The following RXFP1 variants were observed in gnomAD, a reference collection of about 807,000 sequenced individuals.
The protein encoded by RXFP1 is relaxin family peptide receptor 1.
In RXFP1, 73 loss-of-function variants were observed where a neutral mutation model predicts 89.8. The ratio of observed to expected loss-of-function variants is 0.81; its 90% CI spans 0.67 to 0.99. The LOEUF (loss-of-function observed/expected upper bound fraction) is 0.99, where lower values mean the gene tolerates loss of function less well. RXFP1 is among the 50% of genes least tolerant of loss of function. The probability of loss-of-function intolerance (pLI) is 0.00; values close to 1 mark genes in which losing one functional copy is unlikely to be tolerated. For missense variants in RXFP1, 793 were observed against 895.5 expected, an observed-to-expected ratio of 0.89 and a Z score of 1.46; for synonymous variants, 277 against 305.5, an observed-to-expected ratio of 0.91 and a Z score of 0.97.
At position 158,535,439 on chromosome 4, in the gene RXFP1, A is replaced by G. The variant is rs528862181; in HGVS notation, c.49+13414A>G. Among the ~76,000 whole-genome samples the G allele has an allele frequency of 1.1e-4, 17 of 152,342 alleles. No homozygotes were observed. In the South Asian group the frequency reaches 3.5e-3, roughly 32 times the overall value. On this transcript the variant is annotated intron_variant, in intron 1 of 17. Transcript: ENST00000307765. ...AGCAATCCTTAGAGAGGGCGTGGCC[A>G]TTGCACTTGAGTCACTGGAAAGATA...
chr4:158,601,949 A>T (rs1761760003), intron 4 of RXFP1, among the ~76,000 whole-genome samples: 1 of 152,214 alleles, frequency 6.6e-6, no homozygotes, highest in Admixed American at 6.5e-5. Flanking sequence ...CACTAGAACT[A>T]TATGATCTAA....
At chr4:158,600,796 C>A (rs1212458368) in intron 4 of RXFP1, among the ~76,000 whole-genome samples, 1 of 150,782 alleles carries the variant, frequency 6.6e-6, no homozygotes. Context: ...CACTGCACTC[C>A]AGCCTGGATG....
chr4:158,576,138 C>T (rs1304005370), intron 2 of RXFP1, among the ~76,000 whole-genome samples: 4 of 152,202 alleles, frequency 2.6e-5, no homozygotes, highest in African/African-American at 7.2e-5. Context: ...TAAAAAATAA[C>T]TATTTCAATT....
chr4:158,552,769 G>A (rs968728536), intron 1 of RXFP1, among the ~76,000 whole-genome samples: 4 of 152,174 alleles, frequency 2.6e-5, no homozygotes, highest in African/African-American at 9.6e-5. Context: ...GGACAAAAAT[G>A]CCCTCAAAGG....
chr4:158,639,247 T>G lies in RXFP1; in HGVS notation c.1044-13T>G, dbSNP rs1006643180. On this transcript the variant is annotated splice_polypyrimidine_tract_variant and intron_variant, in intron 13 of 17. Coordinates refer to ENST00000307765, the MANE Select transcript of RXFP1 (RefSeq NM_021634.4). Reference sequence around the variant, plus strand: ...CATGTTCCTTTGATTGATTATTAATTTGATATTTTTAGCAGCCTAGAAGGG... The same window carrying G: ...CATGTTCCTTTGATTGATTATTAATGTGATATTTTTAGCAGCCTAGAAGGG... 2.1e-6 allele frequency: 3 copies of G among 1,431,680 alleles called. No homozygotes were observed. Among genetic ancestry groups the G allele is most frequent in the Admixed American group, 3.4e-5 (2 of 58,610 alleles). 88.7% of individuals were successfully genotyped at this position (1,431,680 alleles called of 1,614,324 possible). A position where few individuals can be genotyped will look rare whatever the true frequency, so the allele number is the denominator to read the frequency against.
At chr4:158,646,241 G>A (rs546683553) in intron 15 of RXFP1, 33 of 395,258 alleles carry the variant, frequency 8.3e-5, no homozygotes, top group African/African-American at 5.1e-4. Flanking sequence ...AGTAATTTAA[G>A]CCCCTTAAAA....
intron 1 of RXFP1, among the ~76,000 whole-genome samples, chr4:158,546,041 A>C (rs1748280186): frequency 6.6e-6 from 1 of 152,148 alleles, no homozygotes. Context: ...TACCTTGGGC[A>C]GTATGGCCAT....
chr4:158,522,042 T>C lies in RXFP1; in HGVS notation c.49+17T>C. On this transcript the variant is annotated intron_variant, in intron 1 of 17. Coordinates refer to ENST00000307765, the MANE Select transcript of RXFP1 (RefSeq NM_021634.4). ...GAAAATATTGTAAGTATGCTCAGTA[T>C]CTAATTTTGTATACCTTAGTATTTT... 2 of 1,468,390 alleles carry C rather than the reference T, an allele frequency of 1.4e-6. No individual in the cohort carries two copies. The highest frequency in any genetic ancestry group is 1.9e-6 in the Non-Finnish European group (2 of 1,050,190). 91.0% of individuals were successfully genotyped at this position (1,468,390 alleles called of 1,614,324 possible).
chr4:158,525,870 C>G (rs1742391060), intron 1 of RXFP1, among the ~76,000 whole-genome samples: 1 of 152,238 alleles, frequency 6.6e-6, no homozygotes, highest in African/African-American at 2.4e-5. Flanking sequence ...CCAAGTCTAT[C>G]TCCTTAAAAA....
At chr4:158,584,960 G>T (rs993010284) in intron 2 of RXFP1, among the ~76,000 whole-genome samples, 1 of 152,148 alleles carries the variant, frequency 6.6e-6, no homozygotes, top group East Asian at 1.9e-4. Flanking sequence ...CACTTGGAAG[G>T]CTCGTTAAAA....
chr4:158,575,368 G>C, intron 2 of RXFP1, among the ~76,000 whole-genome samples: 1 of 152,258 alleles, frequency 6.6e-6, no homozygotes, highest in East Asian at 1.9e-4. Flanking sequence ...GGAATAATAA[G>C]AGTATCCATG....
intron 2 of RXFP1, among the ~76,000 whole-genome samples, chr4:158,585,590 T>A (rs187208103): frequency 5.7e-4 from 87 of 152,296 alleles, no homozygotes; most frequent in African/African-American, 2.0e-3. Context: ...GCATTTTATG[T>A]ACTTTAAACA....
intron 1 of RXFP1, among the ~76,000 whole-genome samples, chr4:158,546,296 A>C (rs1013933368): frequency 6.6e-6 from 1 of 152,140 alleles, no homozygotes; most frequent in African/African-American, 2.4e-5. Context: ...TCATACATTG[A>C]TTTTGTATCC....
chr4:158,652,183 T>C lies in RXFP1; in HGVS notation c.*128T>C. ...CTAAGATAAATATTTTACAAGGACA[T>C]GAGGAAAAATAAAAATGACTAATGC... On this transcript the variant is annotated 3_prime_UTR_variant, in exon 18 of 18. Transcript: ENST00000307765. 1 of 744,866 alleles carries C rather than the reference T, an allele frequency of 1.3e-6. No individual in the cohort carries two copies. Among genetic ancestry groups the C allele is most frequent in the Non-Finnish European group, 2.0e-6 (1 of 493,838 alleles). The allele number at this position is 744,866 out of a possible 1,614,324, so 46.1% of individuals were successfully genotyped here.
At chr4:158,573,075 C>A (rs1755449708) in intron 2 of RXFP1, 1 of 369,294 alleles carries the variant, frequency 2.7e-6, no homozygotes, top group African/African-American at 2.1e-5. Context: ...GTGGCGTGAT[C>A]TCGGCTCACT....
At chr4:158,595,583 G>C (rs1398522095) in intron 3 of RXFP1, among the ~76,000 whole-genome samples, 1 of 152,018 alleles carries the variant, frequency 6.6e-6, no homozygotes, top group Non-Finnish European at 1.5e-5. Flanking sequence ...TTTTTCTCTT[G>C]CAAAAATTAT....
intron 9 of RXFP1, among the ~76,000 whole-genome samples, chr4:158,623,270 G>A (rs577768286): frequency 4.6e-5 from 7 of 151,566 alleles, no homozygotes; most frequent in South Asian, 2.1e-4. Context: ...AGGCCCAGGC[G>A]GGTGGATCAC....
At chr4:158,571,842 A>C (rs1479614267) in intron 1 of RXFP1, among the ~76,000 whole-genome samples, 3 of 152,208 alleles carry the variant, frequency 2.0e-5, no homozygotes, top group Non-Finnish European at 4.4e-5. Context: ...CTGTACCTGG[A>C]AGCCAGATAC....
At chr4:158,614,800 T>C (rs922708050) in intron 8 of RXFP1, among the ~76,000 whole-genome samples, 2 of 152,186 alleles carry the variant, frequency 1.3e-5, no homozygotes, top group Non-Finnish European at 2.9e-5. Flanking sequence ...GGCTAACTGG[T>C]GCATGAGGCC....
Sources: gnomAD v4.1 joint callset for allele counts (sites outside exome capture counted in the v4.1 genomes callset) on GRCh38, gnomAD v4.1.1 for gene constraint, MANE v1.5 for transcripts, NCBI Gene and HGNC (gene_info 2026-07-23, HGNC 2026-07-21) for gene names.